The following FAM222A variants were observed in gnomAD, a reference collection of about 807,000 sequenced individuals.
FAM222A encodes the protein protein FAM222A.
FAM222A carries 7 observed loss-of-function variants against 25.8 expected under a neutral mutation model. That is an observed-to-expected ratio of 0.27 (90% CI 0.15 to 0.51). The LOEUF is 0.51. Among genes scored for constraint, FAM222A ranks in the 20% least tolerant of loss-of-function variants. The probability of loss-of-function intolerance (pLI) is 0.97; values close to 1 mark genes in which losing one functional copy is unlikely to be tolerated. For missense variants in FAM222A, 573 were observed against 640.5 expected (o/e 0.89, Z 1.14); for synonymous variants, 294 against 298.8 (o/e 0.98, Z 0.17).
At chr12:109,757,183 A>G (rs1345797902) in intron 2 of FAM222A, among the ~76,000 whole-genome samples, 3 of 152,262 alleles carry the variant, frequency 2.0e-5, no homozygotes, top group Non-Finnish European at 4.4e-5. Flanking sequence ...AGACCTAAAT[A>G]AACTTAGAAA....
Position 109,714,243 on chromosome 12 carries a change from TC to T in FAM222A, c.-697del. 1.5e-5 allele frequency: 3 copies of T among 203,264 alleles called. No homozygotes were observed. The highest frequency in any genetic ancestry group is 3.0e-5 in the Non-Finnish European group (3 of 100,226). The allele number at this position is 203,264 out of a possible 1,614,324, so 12.6% of individuals were successfully genotyped here. A position where few individuals can be genotyped will look rare whatever the true frequency, so the allele number is the denominator to read the frequency against. ...CTGCCGCCGCCGCTGTTCGCCGGCT[TC>T]CCCTCCCCCCACACCCGGGGCTCAG... On this transcript the variant is annotated 5_prime_UTR_variant, in exon 1 of 3. Transcript: ENST00000538780. This position sits in a 1 kb window ranked among gnomAD's most constrained non-coding sequence, Gnocchi z 4.2.
At chr12:109,753,840 AT>A (rs374344174) in intron 2 of FAM222A, among the ~76,000 whole-genome samples, 4 of 152,326 alleles carry the variant, frequency 2.6e-5, no homozygotes, top group African/African-American at 9.6e-5. Flanking sequence ...AAACAAAGCA[AT>A]TTAAAATTCC....
At chr12:109,758,276 G>A (rs1888792468) in intron 2 of FAM222A, among the ~76,000 whole-genome samples, 1 of 152,200 alleles carries the variant, frequency 6.6e-6, no homozygotes, top group Admixed American at 6.5e-5. Flanking sequence ...ATTGTTCGCT[G>A]CTACCCTCCA....
chr12:109,720,253 G>A, intron 1 of FAM222A: 50 of 921,978 alleles, frequency 5.4e-5, no homozygotes, highest in Non-Finnish European at 6.3e-5. Context: ...GTCAGGGGGT[G>A]AGGCCGAGAC....
At chr12:109,748,007 G>T (rs560110599) in intron 2 of FAM222A, among the ~76,000 whole-genome samples, 1 of 152,328 alleles carries the variant, frequency 6.6e-6, no homozygotes, top group African/African-American at 2.4e-5. Context: ...TTAAGCAAAT[G>T]CTGGCTTTGG....
At chr12:109,755,893 A>G (rs959778031) in intron 2 of FAM222A, among the ~76,000 whole-genome samples, 2 of 152,208 alleles carry the variant, frequency 1.3e-5, no homozygotes, top group Non-Finnish European at 1.5e-5. Context: ...AAGTTTTGAA[A>G]TCAGAAAGTG....
chr12:109,758,710 T>A (rs1888804133), intron 2 of FAM222A, among the ~76,000 whole-genome samples: 1 of 152,184 alleles, frequency 6.6e-6, no homozygotes, highest in African/African-American at 2.4e-5. Flanking sequence ...AGTGTCACGT[T>A]AATTGAGCAT....
At chr12:109,763,053 G>C (rs539069274) in intron 2 of FAM222A, among the ~76,000 whole-genome samples, 48 of 152,316 alleles carry the variant, frequency 3.2e-4, no homozygotes, top group Admixed American at 2.2e-3. Context: ...TGCCTCCCTG[G>C]GTGGCCTCCC....
intron 2 of FAM222A, among the ~76,000 whole-genome samples, chr12:109,747,133 T>G (rs1038107083): frequency 2.0e-5 from 3 of 152,192 alleles, no homozygotes; most frequent in Admixed American, 2.0e-4. Context: ...TCACTCTGTT[T>G]CCCAGGCTGG....
Position 109,713,877 on chromosome 12 carries a change from G to A in FAM222A, c.-1067G>A, listed in dbSNP as rs1409709431. Among the ~76,000 whole-genome samples, 13 of 148,578 alleles carry A rather than the reference G, an allele frequency of 8.7e-5. No homozygotes were observed. Among genetic ancestry groups the A allele is most frequent in the African/African-American group, 3.2e-4 (13 of 40,978 alleles). ...GGACTGCCTGGCCGGCTGCTCCGCG[G>A]AGAGGCTGCGCGCGCCGGCCGGGGG... On this transcript the variant is annotated 5_prime_UTR_variant, in exon 1 of 3. Transcript: ENST00000538780.
chr12:109,728,238 C>T (rs1356947164), intron 1 of FAM222A, among the ~76,000 whole-genome samples: 1 of 152,136 alleles, frequency 6.6e-6, no homozygotes, highest in African/African-American at 2.4e-5. Context: ...TAATCATGCA[C>T]CAGGGACTGT....
intron 2 of FAM222A, among the ~76,000 whole-genome samples, chr12:109,754,836 T>C (rs1270890527): frequency 6.6e-6 from 1 of 152,046 alleles, no homozygotes; most frequent in Non-Finnish European, 1.5e-5. Flanking sequence ...CTCAGATAAT[T>C]TTTTAATTAA....
At chr12:109,736,806 G>A (rs1888099612) in intron 1 of FAM222A, among the ~76,000 whole-genome samples, 1 of 152,130 alleles carries the variant, frequency 6.6e-6, no homozygotes, top group Admixed American at 6.5e-5. Context: ...CCTTTCTCCA[G>A]GGCTCTTGCG....
chr12:109,764,803 C>T (rs1888997162), intron 2 of FAM222A, among the ~76,000 whole-genome samples: 1 of 152,126 alleles, frequency 6.6e-6, no homozygotes, highest in Non-Finnish European at 1.5e-5. Flanking sequence ...GCGGGACTCT[C>T]CGAGTGGCGC....
chr12:109,750,487 CTACT>C (rs1888531631), intron 2 of FAM222A, among the ~76,000 whole-genome samples: 1 of 152,154 alleles, frequency 6.6e-6, no homozygotes, highest in African/African-American at 2.4e-5. Context: ...GGATATCAGT[CTACT>C]TATAATCTTG....
At chr12:109,718,973 G>C (rs953303896) in intron 1 of FAM222A, among the ~76,000 whole-genome samples, 2 of 152,206 alleles carry the variant, frequency 1.3e-5, no homozygotes, top group African/African-American at 4.8e-5. Context: ...ACAAAAGATG[G>C]GGTCTCTGTG....
chr12:109,758,557 G>A (rs1182208903), intron 2 of FAM222A, among the ~76,000 whole-genome samples: 1 of 152,148 alleles, frequency 6.6e-6, no homozygotes, highest in Non-Finnish European at 1.5e-5. Context: ...AGCCAGGAAG[G>A]TATGGAGCAG....
rs1363445318 is a variant in FAM222A, at chr12:109,733,782, TGG to T, written c.-46-10316_-46-10315del. On this transcript the variant is annotated intron_variant, in intron 1 of 2. Coordinates refer to ENST00000538780, the MANE Select transcript of FAM222A (RefSeq NM_032829.3). ...GGCAAAACCATAAGTGCAAAGGCCC[TGG>T]GGTGGGGACAGGGTTGGCTTGTGAG... Among the ~76,000 whole-genome samples the T allele has an allele frequency of 2.0e-5, 3 of 152,172 alleles. No homozygotes were observed. The East Asian group carries it at 5.8e-4, about 29-fold the overall frequency.
Position 109,721,550 on chromosome 12 carries a change from A to G in FAM222A, c.-47+6653A>G, listed in dbSNP as rs190124950. ...GGCTCTGGGCAGGCAGCGCCAATCAATCAGCAGGGCCTGTGAGCTGAAACC... is the reference window on the plus strand; with the variant it reads ...GGCTCTGGGCAGGCAGCGCCAATCAGTCAGCAGGGCCTGTGAGCTGAAACC... On this transcript the variant is annotated intron_variant, in intron 1 of 2. Transcript: ENST00000538780. 7.2e-5 allele frequency among the ~76,000 whole-genome samples: 11 copies of G among 152,236 alleles called. 1 individual carries two copies. The East Asian group carries it at 2.1e-3, about 29-fold the overall frequency.
Sources: gnomAD v4.1 joint callset for allele counts (sites outside exome capture counted in the v4.1 genomes callset) on GRCh38, gnomAD v4.1.1 for gene constraint, Gnocchi (gnomAD v3.1) non-coding constraint, MANE v1.5 for transcripts, NCBI Gene and HGNC (gene_info 2026-07-23, HGNC 2026-07-21) for gene names.